Variants in AMOTL1 observed in about 807,000 individuals in gnomAD.
The protein encoded by AMOTL1 is angiomotin-like protein 1.
In AMOTL1, 45 loss-of-function variants were observed where a neutral mutation model predicts 102.9. That is an observed-to-expected ratio of 0.44 (90% CI 0.34 to 0.56). The LOEUF (loss-of-function observed/expected upper bound fraction) is 0.56. Among genes scored for constraint, AMOTL1 ranks in the 20% least tolerant of loss-of-function variants. AMOTL1 has a pLI of 0.01. For synonymous variants in AMOTL1, 481 were observed against 484.7 expected (o/e 0.99, Z 0.10); for missense variants, 1,114 against 1,225.6 (o/e 0.91, Z 1.36).
intron 1 of AMOTL1, among the ~76,000 whole-genome samples, chr11:94,725,902 G>A (rs1391476502): frequency 6.6e-6 from 1 of 152,164 alleles, no homozygotes; most frequent in East Asian, 1.9e-4. Context: ...GACATGATCA[G>A]ATGCGTGCTT....
intron 1 of AMOTL1, among the ~76,000 whole-genome samples, chr11:94,707,808 T>G (rs1428604648): frequency 1.3e-5 from 2 of 152,186 alleles, no homozygotes; most frequent in East Asian, 3.9e-4. Flanking sequence ...ACATCTGATT[T>G]GGGAACACAT....
chr11:94,829,631 C>T (rs7130039), intron 4 of AMOTL1, among the ~76,000 whole-genome samples: 2,600 of 152,254 alleles, frequency 0.017, 78 homozygotes, highest in African/African-American at 0.059. Flanking sequence ...GTGCACTGTA[C>T]TTGGAGTCTG....
intron 1 of AMOTL1, among the ~76,000 whole-genome samples, chr11:94,782,386 G>A (rs1203095324): frequency 6.6e-6 from 1 of 152,094 alleles, no homozygotes; most frequent in Non-Finnish European, 1.5e-5. Flanking sequence ...AGACTTTTCT[G>A]ATGATTGAAA....
intron 4 of AMOTL1, among the ~76,000 whole-genome samples, chr11:94,822,492 T>C (rs1951884318): frequency 6.6e-6 from 1 of 152,168 alleles, no homozygotes; most frequent in Non-Finnish European, 1.5e-5. Context: ...CCTTTAAATT[T>C]AGGAATCTCA....
At chr11:94,834,666 C>T (rs1952137750) in intron 6 of AMOTL1, among the ~76,000 whole-genome samples, 1 of 152,104 alleles carries the variant, frequency 6.6e-6, no homozygotes, top group Non-Finnish European at 1.5e-5. Flanking sequence ...CTGCCAGCCA[C>T]CTTGGCAATG....
At chr11:94,865,882 T>C in intron 10 of AMOTL1, 60 bp from the exon 11 acceptor site, 1 of 1,429,852 alleles carries the variant, frequency 7.0e-7, no homozygotes, top group Admixed American at 1.9e-5. Flanking sequence ...CTGAGATAAA[T>C]GTTTCAAGTT....
At chr11:94,846,807 C>G (rs533436059) in intron 6 of AMOTL1, among the ~76,000 whole-genome samples, 5 of 152,186 alleles carry the variant, frequency 3.3e-5, no homozygotes, top group Admixed American at 6.5e-5. Flanking sequence ...AGTTACTTAC[C>G]CTTTTTTTTA....
intron 3 of AMOTL1, among the ~76,000 whole-genome samples, chr11:94,803,963 A>G (rs1056019526): frequency 6.6e-6 from 1 of 152,230 alleles, no homozygotes; most frequent in Non-Finnish European, 1.5e-5. Flanking sequence ...GAAAGATAGC[A>G]TTGTATCACA....
intron 8 of AMOTL1, among the ~76,000 whole-genome samples, chr11:94,857,434 G>A (rs978708466): frequency 6.6e-6 from 1 of 152,130 alleles, no homozygotes; most frequent in African/African-American, 2.4e-5. Flanking sequence ...AAGATAGGTT[G>A]GGACAATAGG....
chr11:94,722,549 G>C (rs1591893106), intron 1 of AMOTL1, among the ~76,000 whole-genome samples: 1 of 152,266 alleles, frequency 6.6e-6, no homozygotes, highest in Admixed American at 6.5e-5. Flanking sequence ...ATTAGGATGA[G>C]TGATGTTATA....
Position 94,799,831 on chromosome 11 carries a change from T to C in AMOTL1, c.641T>C (p.Val214Ala), listed in dbSNP as rs1468508659. ...CAGCAGCAACAGCAGCAGGGGGCGG[T>C]GGGCCATGGTTACTACATGGCAGGG... The part of the protein sequence containing the change: ...QQQQQQQQGA[V>A]GHGYYMAGGT... Residue 214 changes from valine (V) to alanine (A), a missense_variant, in exon 3 of 13, where the codon GTG becomes GCG. Val to Ala is a moderately conservative substitution (Grantham distance 64, BLOSUM62 0). Coordinates refer to ENST00000433060, the MANE Select transcript of AMOTL1 (RefSeq NM_130847.3). This position sits in a 1 kb window ranked among gnomAD's most constrained non-coding sequence, Gnocchi z 4.5. 1 of 1,593,402 alleles carries C rather than the reference T, an allele frequency of 6.3e-7. No homozygotes were observed. The highest frequency in any genetic ancestry group is 8.6e-7 in the Non-Finnish European group (1 of 1,169,568).
At chr11:94,823,769 G>A (rs916533626) in intron 4 of AMOTL1, among the ~76,000 whole-genome samples, 23 of 150,520 alleles carry the variant, frequency 1.5e-4, no homozygotes, top group African/African-American at 5.6e-4. Context: ...AGGTTGGAGT[G>A]CAGTGGCGCG....
chr11:94,735,414 T>A (rs1022913042), intron 2 of AMOTL1, among the ~76,000 whole-genome samples: 1 of 152,242 alleles, frequency 6.6e-6, no homozygotes, highest in Non-Finnish European at 1.5e-5. Flanking sequence ...CCTCATTTAC[T>A]GAGGAACGAG....
intron 1 of AMOTL1, among the ~76,000 whole-genome samples, chr11:94,769,476 C>A (rs750976391): frequency 6.6e-6 from 1 of 152,206 alleles, no homozygotes; most frequent in South Asian, 2.1e-4. Flanking sequence ...AAGTTTCCCC[C>A]CTCAGAGCCC....
Position 94,768,377 on chromosome 11 carries a change from C to T in AMOTL1, c.-135C>T. ...CGGGAGCGCGCGAGAAGCTCTAGGA[C>T]CCAGCAGCGGTTGTCGGGTTTGGGG... On this transcript the variant is annotated 5_prime_UTR_variant, in exon 1 of 13. Transcript: ENST00000433060. 6.7e-7 allele frequency: 1 copy of T among 1,490,622 alleles called. No individual in the cohort carries two copies. The highest frequency in any genetic ancestry group is 8.9e-7 in the Non-Finnish European group (1 of 1,120,476). 92.3% of individuals were successfully genotyped at this position (1,490,622 alleles called of 1,614,324 possible).
chr11:94,810,212 A>G (rs1951648697), intron 3 of AMOTL1, among the ~76,000 whole-genome samples: 1 of 152,360 alleles, frequency 6.6e-6, no homozygotes, highest in African/African-American at 2.4e-5. Flanking sequence ...CAAGTCAAAC[A>G]TAAAATTACA....
At chr11:94,770,274 G>C (rs961158679) in intron 1 of AMOTL1, among the ~76,000 whole-genome samples, 10 of 152,202 alleles carry the variant, frequency 6.6e-5, no homozygotes, top group Non-Finnish European at 1.5e-5. Flanking sequence ...TATCTACTTT[G>C]AAGGCTCTTT....
At chr11:94,741,237 TGTGTGTGTGAGTGC>T (rs1345817039) in intron 3 of AMOTL1, among the ~76,000 whole-genome samples, 1 of 151,792 alleles carries the variant, frequency 6.6e-6, no homozygotes, top group Non-Finnish European at 1.5e-5. Context: ...TGTGCGTGTG[TGTGTGTGTGAGTGC>T]GTGTGTGTGC....
intron 6 of AMOTL1, among the ~76,000 whole-genome samples, chr11:94,841,286 T>C (rs1952296958): frequency 1.3e-5 from 2 of 152,090 alleles, no homozygotes; most frequent in South Asian, 4.2e-4. Context: ...ACCCCATCTC[T>C]ACTAAAAATA....
Sources: allele counts gnomAD v4.1 joint callset (sites outside exome capture counted in the v4.1 genomes callset), GRCh38; gene constraint gnomAD v4.1.1; non-coding constraint Gnocchi (gnomAD v3.1); transcripts MANE v1.5; gene names NCBI Gene and HGNC (gene_info 2026-07-23, HGNC 2026-07-21).